Variants in RBM6 observed in about 807,000 individuals in gnomAD.
The protein encoded by RBM6 is RNA binding motif protein 6.
A neutral mutation model predicts 140.4 loss-of-function variants in RBM6; 23 were observed. The ratio of observed to expected loss-of-function variants is 0.16; its 90% confidence interval spans 0.12 to 0.23. RBM6 has a LOEUF of 0.23. RBM6 is among the 10% of genes least tolerant of loss of function. The pLI, the probability that RBM6 is intolerant of heterozygous loss-of-function variation, is 1.00. For synonymous variants in RBM6, 439 were observed against 475.6 expected, an observed-to-expected ratio of 0.92 and a Z score of 1.00; for missense variants, 1,139 against 1,386.7, an observed-to-expected ratio of 0.82 and a Z score of 2.84.
At chr3:49,978,025 G>A (rs116470413) in intron 5 of RBM6, among the ~76,000 whole-genome samples, 1,682 of 152,206 alleles carry the variant, frequency 0.011, 39 homozygotes, top group African/African-American at 0.039. Flanking sequence ...ATAAGAGAAA[G>A]GGTCTTACTC....
At position 50,004,835 on chromosome 3, in the gene RBM6, C is replaced by T. The variant is rs551480399; in HGVS notation, c.1557+5322C>T. 5.3e-5 allele frequency among the ~76,000 whole-genome samples: 8 copies of T among 152,206 alleles called. No homozygotes were observed. In the South Asian group the frequency reaches 1.7e-3, roughly 32 times the overall value. On this transcript the variant is annotated intron_variant, in intron 6 of 20. Coordinates refer to ENST00000266022, the MANE Select transcript of RBM6 (RefSeq NM_005777.3). Reference sequence around the variant, plus strand: ...GTAAAGATGGGGTCTTGCTGTGTTGCTCAGGCTGCTCTTGAACTCCTTGCC... The same window carrying T: ...GTAAAGATGGGGTCTTGCTGTGTTGTTCAGGCTGCTCTTGAACTCCTTGCC...
At chr3:49,993,646 G>GA (rs538965305) in intron 5 of RBM6, among the ~76,000 whole-genome samples, 5 of 147,084 alleles carry the variant, frequency 3.4e-5, no homozygotes, top group Non-Finnish European at 6.0e-5. Context: ...TGTCTCAAAA[G>GA]AAAAAAAAAT....
intron 5 of RBM6, among the ~76,000 whole-genome samples, chr3:49,994,577 T>G (rs1257147244): frequency 6.6e-6 from 1 of 152,176 alleles, no homozygotes; most frequent in African/African-American, 2.4e-5. Context: ...TTAAGACCTC[T>G]TCAATCTATT....
intron 5 of RBM6, among the ~76,000 whole-genome samples, chr3:49,978,695 CACTA>C (rs1461104366): frequency 1.3e-5 from 2 of 152,164 alleles, no homozygotes; most frequent in South Asian, 2.1e-4. Flanking sequence ...TTAATATTCT[CACTA>C]ACAGGAGTAA....
chr3:50,067,678 A>G (rs2090164885), intron 17 of RBM6, among the ~76,000 whole-genome samples: 1 of 152,202 alleles, frequency 6.6e-6, no homozygotes, highest in African/African-American at 2.4e-5. Flanking sequence ...ATTCCCATTT[A>G]TATGAACTGA....
chr3:50,070,574 C>T, intron 19 of RBM6, 22 bp downstream of exon 19: 1 of 1,553,438 alleles, frequency 6.4e-7, no homozygotes, highest in Non-Finnish European at 8.9e-7. Flanking sequence ...ACTCTTCATT[C>T]AGCCTAGGCC....
chr3:50,051,943 G>T (rs1408703103), intron 7 of RBM6, among the ~76,000 whole-genome samples: 4 of 152,166 alleles, frequency 2.6e-5, no homozygotes, highest in Admixed American at 2.6e-4. Flanking sequence ...AATGGGGGAG[G>T]TAACTCCACT....
intron 7 of RBM6, among the ~76,000 whole-genome samples, chr3:50,053,539 A>G (rs1403393507): frequency 6.6e-6 from 1 of 152,032 alleles, no homozygotes; most frequent in Admixed American, 6.5e-5. Context: ...CTCAAAAGAA[A>G]AAAAAAAAAA....
In RBM6 at chr3:49,972,050, C is replaced by T. The variant is rs1385571260; in HGVS notation, c.1324-9C>T. On this transcript the variant is annotated splice_polypyrimidine_tract_variant and intron_variant, in intron 3 of 20. Coordinates refer to ENST00000266022, the MANE Select transcript of RBM6 (RefSeq NM_005777.3). ...TATTTGTGAAATAATTTTTCATTCTCAATTTAAGGATCAAGATTATAGGAC... is the reference window on the plus strand; with the variant it reads ...TATTTGTGAAATAATTTTTCATTCTTAATTTAAGGATCAAGATTATAGGAC... The T allele has an allele frequency of 3.1e-6, 5 of 1,588,664 alleles. No individual in the cohort carries two copies. The highest frequency in any genetic ancestry group is 2.7e-5 in the African/African-American group (2 of 74,084).
rs138316000 is a variant in RBM6 at position 50,037,106 on chromosome 3, A to G, written c.1558-11139A>G. 1.2e-4 allele frequency among the ~76,000 whole-genome samples: 18 copies of G among 152,244 alleles called. No homozygotes were observed. The East Asian group carries it at 2.3e-3, about 20-fold the overall frequency. On this transcript the variant is annotated intron_variant, in intron 6 of 20. Coordinates refer to ENST00000266022, the MANE Select transcript of RBM6 (RefSeq NM_005777.3). ...GCATTGGGTCAATAGCTTTCTGCCT[A>G]AGAAGAGAATTGGCTGGGCATGATG...
intron 6 of RBM6, among the ~76,000 whole-genome samples, chr3:50,005,785 A>G (rs989287482): frequency 2.6e-5 from 4 of 152,328 alleles, no homozygotes; most frequent in Non-Finnish European, 5.9e-5. Flanking sequence ...TGTATAACTT[A>G]TGGCTGGAAT....
At chr3:50,001,410 C>A (rs2086320532) in intron 6 of RBM6, among the ~76,000 whole-genome samples, 1 of 152,186 alleles carries the variant, frequency 6.6e-6, no homozygotes, top group African/African-American at 2.4e-5. Flanking sequence ...TGTGATCACT[C>A]TGCTGCACTC....
intron 6 of RBM6, among the ~76,000 whole-genome samples, chr3:50,037,716 C>G (rs1231764605): frequency 6.6e-6 from 1 of 151,738 alleles, no homozygotes. Context: ...CTGAGCTGGT[C>G]TGGTCTCGAG....
chr3:49,964,006 T>G (rs1477129497), intron 2 of RBM6, among the ~76,000 whole-genome samples: 1 of 152,148 alleles, frequency 6.6e-6, no homozygotes, highest in African/African-American at 2.4e-5. Context: ...GTTCAAGTGA[T>G]TCTCCTCCCT....
chr3:49,980,083 C>T (rs993205587), intron 5 of RBM6, among the ~76,000 whole-genome samples: 1 of 152,004 alleles, frequency 6.6e-6, no homozygotes, highest in African/African-American at 2.4e-5. Context: ...TTACTGCAAC[C>T]TCTGCCTCCT....
chr3:49,979,532 C>T (rs565074162), intron 5 of RBM6, among the ~76,000 whole-genome samples: 13 of 151,442 alleles, frequency 8.6e-5, no homozygotes, highest in Non-Finnish European at 1.5e-4. Flanking sequence ...CTCCATCTCC[C>T]GGGTTCAAAC....
At chr3:50,015,314 G>T (rs963121902) in intron 6 of RBM6, among the ~76,000 whole-genome samples, 2 of 150,238 alleles carry the variant, frequency 1.3e-5, no homozygotes, top group Non-Finnish European at 3.0e-5. Context: ...CACCATATTG[G>T]CCAGGCTGGT....
intron 20 of RBM6, 126 bp from the exon 21 acceptor site, chr3:50,076,882 T>TAAA: frequency 7.7e-5 from 60 of 778,036 alleles, no homozygotes; most frequent in East Asian, 1.2e-4. Context: ...TGACTCCATC[T>TAAA]AAAAAAAAAA....
intron 1 of RBM6, among the ~76,000 whole-genome samples, chr3:49,956,736 G>A (rs2084009499): frequency 6.6e-6 from 1 of 151,922 alleles, no homozygotes; most frequent in Admixed American, 6.6e-5. Context: ...CATAATCTCA[G>A]CTCACCGCAG....
Sources: allele counts gnomAD v4.1 joint callset (sites outside exome capture counted in the v4.1 genomes callset), GRCh38; gene constraint gnomAD v4.1.1; transcripts MANE v1.5; gene names NCBI Gene and HGNC (gene_info 2026-07-23, HGNC 2026-07-21).